GPRASP3: variants seen among roughly 807,000 people sequenced by gnomAD.
GPRASP3 encodes the protein G protein-coupled receptor associated sorting protein 3.
At chrX:102,748,194 T>C in the GPRASP3 span, among the ~76,000 whole-genome samples, 1 of 111,984 alleles carries the variant, frequency 8.9e-6, no homozygotes, top group South Asian at 3.8e-4. Flanking sequence ...GAAATTGGGT[T>C]TAGAGATTAG....
the GPRASP3 span, among the ~76,000 whole-genome samples, chrX:102,733,515 G>A: frequency 1.8e-5 from 2 of 108,311 alleles, no homozygotes; most frequent in Admixed American, 2.0e-4. Context: ...AAATCAGGTA[G>A]CGAGAAAGGA....
At chrX:102,742,119 G>A in the GPRASP3 span, among the ~76,000 whole-genome samples, 1 of 112,222 alleles carries the variant, frequency 8.9e-6, no homozygotes, top group African/African-American at 3.2e-5. Flanking sequence ...GTCCATCTCA[G>A]TGTGCTAATG....
the GPRASP3 span, among the ~76,000 whole-genome samples, chrX:102,743,484 G>A: frequency 9.0e-6 from 1 of 111,211 alleles, no homozygotes; most frequent in Non-Finnish European, 1.9e-5. Context: ...ATCATACTTA[G>A]TTTAATCCTT....
chrX:102,745,625 G>A, the GPRASP3 span, among the ~76,000 whole-genome samples: 1 of 111,359 alleles, frequency 9.0e-6, no homozygotes, highest in Non-Finnish European at 1.9e-5. Context: ...GGAAGGGGCA[G>A]ACACCCAGCA....
the GPRASP3 span, among the ~76,000 whole-genome samples, chrX:102,729,195 G>C: frequency 1.8e-5 from 2 of 111,674 alleles, no homozygotes; most frequent in African/African-American, 3.3e-5. Context: ...CTGTACTTTT[G>C]TGAAATACAC....
chrX:102,725,365 C>A, the GPRASP3 span, among the ~76,000 whole-genome samples: 1 of 111,496 alleles, frequency 9.0e-6, no homozygotes, highest in African/African-American at 3.3e-5. Context: ...TGTTCTTACC[C>A]TTTTTCTGTC....
At chrX:102,747,138 G>C in the GPRASP3 span, among the ~76,000 whole-genome samples, 12 of 112,174 alleles carry the variant, frequency 1.1e-4, no homozygotes, top group Non-Finnish European at 1.3e-4. Context: ...TTTTGGTGCA[G>C]AAATAGTCCC....
chrX:102,725,777 C>A, the GPRASP3 span, among the ~76,000 whole-genome samples: 6 of 112,585 alleles, frequency 5.3e-5, no homozygotes, highest in Admixed American at 5.6e-4. Flanking sequence ...GAACTCCTGA[C>A]CTCAGGTGAT....
the GPRASP3 span, among the ~76,000 whole-genome samples, chrX:102,736,142 C>A: frequency 1.1e-4 from 12 of 111,876 alleles, no homozygotes; most frequent in African/African-American, 3.9e-4. Flanking sequence ...CAGTTTATGA[C>A]CTTAAAGCAT....
chrX:102,722,635 G>T, the GPRASP3 span, among the ~76,000 whole-genome samples: 1 of 111,306 alleles, frequency 9.0e-6, no homozygotes, highest in African/African-American at 3.3e-5. Flanking sequence ...GCTATCTAGT[G>T]CACCCACCAG....
At chrX:102,739,678 A>G in the GPRASP3 span, among the ~76,000 whole-genome samples, 1 of 111,728 alleles carries the variant, frequency 9.0e-6, no homozygotes, top group Non-Finnish European at 1.9e-5. Flanking sequence ...TTTAAAAGCC[A>G]TCAGAAAACT....
At chrX:102,731,004 T>C in the GPRASP3 span, among the ~76,000 whole-genome samples, 3 of 112,340 alleles carry the variant, frequency 2.7e-5, no homozygotes, top group East Asian at 5.6e-4. Context: ...GTATAACATA[T>C]GCATAGTTGG....
At chrX:102,749,674 A>C in the GPRASP3 span, 8 of 1,208,787 alleles carry the variant, frequency 6.6e-6, no homozygotes, top group African/African-American at 1.4e-4. Context: ...CCCTGCTGTA[A>C]CTCCAGCTGT....
At chrX:102,750,505 G>A in the GPRASP3 span, 5 of 1,210,135 alleles carry the variant, frequency 4.1e-6, no homozygotes, top group East Asian at 1.5e-4. Flanking sequence ...AGCCAATCTT[G>A]TTAGTGGTGT....
At chrX:102,733,717 GA>G in the GPRASP3 span, among the ~76,000 whole-genome samples, 2 of 108,345 alleles carry the variant, frequency 1.8e-5, no homozygotes, top group African/African-American at 6.7e-5. Flanking sequence ...TGTTCTGCTT[GA>G]TATTCATGAA....
the GPRASP3 span, chrX:102,749,289 C>T: frequency 1.7e-6 from 2 of 1,211,546 alleles, no homozygotes; most frequent in Middle Eastern, 2.3e-4. Context: ...AGTCCACCAG[C>T]TCCACATGTA....
chrX:102,750,649 G>C, the GPRASP3 span: 3 of 1,144,972 alleles, frequency 2.6e-6, no homozygotes, highest in Non-Finnish European at 3.5e-6. Flanking sequence ...AAATGAGCCA[G>C]AGATAGAACA....
At chrX:102,746,451 C>T in the GPRASP3 span, among the ~76,000 whole-genome samples, 2 of 112,552 alleles carry the variant, frequency 1.8e-5, no homozygotes, top group African/African-American at 6.4e-5. Context: ...CAGGCGCCGG[C>T]GCCCCGCCCT....
the GPRASP3 span, among the ~76,000 whole-genome samples, chrX:102,729,042 C>T: frequency 6.3e-5 from 7 of 111,934 alleles, no homozygotes; most frequent in African/African-American, 2.3e-4. Flanking sequence ...TTGCTGGAGA[C>T]TGAGTGTGGA....
Sources: allele counts gnomAD v4.1 joint callset (sites outside exome capture counted in the v4.1 genomes callset), GRCh38; gene constraint gnomAD v4.1.1; transcripts MANE v1.5; gene names NCBI Gene and HGNC (gene_info 2026-07-23, HGNC 2026-07-21).